HEPACAM2: variants seen among roughly 807,000 people sequenced by gnomAD.
HEPACAM2 encodes the protein HEPACAM family member 2, also known as mitotic kinetics regulator.
Under a neutral mutation model 49.6 loss-of-function variants are expected in HEPACAM2, and 49 were observed. The observed-to-expected ratio is 0.99, with a 90% CI of 0.78 to 1.25. The LOEUF is 1.25. Ranked by LOEUF, HEPACAM2 falls within the 50% of genes most tolerant of loss-of-function variation. The pLI is 0.00. For missense variants in HEPACAM2, 525 were observed against 557.2 expected (o/e 0.94, Z 0.58); for synonymous variants, 197 against 202.9 (o/e 0.97, Z 0.25).
At chr7:93,220,210 G>C (rs77903618) in intron 1 of HEPACAM2, among the ~76,000 whole-genome samples, 1,639 of 152,254 alleles carry the variant, frequency 0.011, 15 homozygotes, top group Non-Finnish European at 0.018. Flanking sequence ...AACAGAAAAG[G>C]GCTATTTTTT....
chr7:93,215,549 GAC>G lies in HEPACAM2; in HGVS notation c.565_566del (p.Val189ProfsTer38). ...AAAAGGAGTAGGTGGAGCTGGTGTG[GAC>G]AGGTCTCCCATTTTTTAGCCATTGG... Reference protein sequence around the residue: ...AYQWLKNGRPVHTSSTYSFSP... With the variant: ...AYQWLKNGRPXHTSSTYSFSP... On this transcript the variant is annotated frameshift_variant, in exon 3 of 10. Coordinates refer to ENST00000394468, the MANE Select transcript of HEPACAM2 (RefSeq NM_001039372.4). LOFTEE classifies it high-confidence loss of function. 6.2e-7 allele frequency: 1 copy of G among 1,613,808 alleles called. No individual in the cohort carries two copies.
At chr7:93,197,001 T>G (rs1793742260) in intron 7 of HEPACAM2, among the ~76,000 whole-genome samples, 1 of 119,086 alleles carries the variant, frequency 8.4e-6, no homozygotes, top group Non-Finnish European at 1.7e-5. Context: ...TTAGTTCTCT[T>G]GACTGTAAAA....
At chr7:93,214,735 T>C (rs1794259357) in intron 3 of HEPACAM2, among the ~76,000 whole-genome samples, 1 of 152,192 alleles carries the variant, frequency 6.6e-6, no homozygotes, top group South Asian at 2.1e-4. Context: ...GTGATAATAA[T>C]GAGATTGGTG....
At chr7:93,216,012 C>T (rs1167521741) in intron 2 of HEPACAM2, among the ~76,000 whole-genome samples, 5 of 152,142 alleles carry the variant, frequency 3.3e-5, no homozygotes, top group African/African-American at 4.8e-5. Flanking sequence ...CTTTCACCAA[C>T]ACCATAAAGG....
rs773049644 is a variant in HEPACAM2 at position 93,192,352 on chromosome 7, C to T, written c.1287G>A (p.Arg429=). ...DVSGVSRIPS[R]SVPASDCVSG... is the part of the protein sequence containing the mutation. ...ATACACAATCAGAGGCTGGAACAGA[C>T]CTGCTTGGGATCTAGAAAATGTGAT... Residue 429 remains arginine (R), a synonymous_variant, in exon 9 of 10, where the codon AGG becomes AGA. Transcript: ENST00000394468. 2 of 1,611,274 alleles carry T rather than the reference C, an allele frequency of 1.2e-6. No homozygotes were observed. Among genetic ancestry groups the T allele is most frequent in the South Asian group, 2.2e-5 (2 of 90,916 alleles).
rs1793459786 is a variant in HEPACAM2, at chr7:93,188,732, T to C, written c.*535A>G. The C allele has an allele frequency of 3.1e-6, 1 of 318,272 alleles. No homozygotes were observed. The highest frequency in any genetic ancestry group is 5.7e-6 in the Non-Finnish European group (1 of 176,586). The allele number at this position is 318,272 out of a possible 1,614,324, so 19.7% of individuals were successfully genotyped here. On this transcript the variant is annotated 3_prime_UTR_variant, in exon 10 of 10. Transcript: ENST00000394468. ...AAAAAAAAGAGAAGGCATAGTTTTG[T>C]TTTTGTGACAACCATCCTTATTACT... is the stretch of plus-strand genomic sequence containing the variant.
chr7:93,228,100 A>G (rs1235599324), upstream of HEPACAM2, among the ~76,000 whole-genome samples: 2 of 152,196 alleles, frequency 1.3e-5, no homozygotes, highest in Non-Finnish European at 2.9e-5. Flanking sequence ...CCGTTATCAA[A>G]TTAGCTGTTT....
chr7:93,192,004 A>T (rs1793560546), intron 9 of HEPACAM2, among the ~76,000 whole-genome samples: 1 of 152,102 alleles, frequency 6.6e-6, no homozygotes, highest in Non-Finnish European at 1.5e-5. Context: ...TAATGTACAC[A>T]AGAGAAAGTT....
upstream of HEPACAM2, chr7:93,226,518 G>A: frequency 8.8e-7 from 1 of 1,136,636 alleles, no homozygotes; most frequent in South Asian, 1.2e-5. Context: ...GAAATTAGCA[G>A]TGAGGTAACA....
chr7:93,189,713 CTG>C lies in HEPACAM2; in HGVS notation c.1386-445_1386-444del, dbSNP rs74968687. ...GACACATGAAGTAAAGAAAATAACACTGTTATTTTACAACAGTCTAAGAGCCA... is the reference window on the plus strand; with the variant it reads ...GACACATGAAGTAAAGAAAATAACACTTATTTTACAACAGTCTAAGAGCCA... On this transcript the variant is annotated intron_variant, in intron 9 of 9. Coordinates refer to ENST00000394468, the MANE Select transcript of HEPACAM2 (RefSeq NM_001039372.4). 7.4e-4 allele frequency among the ~76,000 whole-genome samples: 113 copies of C among 152,052 alleles called. No homozygotes were observed. The East Asian group carries it at 9.3e-3, about 12-fold the overall frequency.
chr7:93,212,223 G>T (rs1794193919), intron 3 of HEPACAM2, among the ~76,000 whole-genome samples: 1 of 152,052 alleles, frequency 6.6e-6, no homozygotes, highest in South Asian at 2.1e-4. Flanking sequence ...TACCTTTAAA[G>T]AAAGTAATCT....
rs766513309 is a variant in HEPACAM2 at position 93,226,409 on chromosome 7, G to A, written c.38C>T (p.Thr13Ile). Residue 13 changes from threonine (T) to isoleucine (I), a missense_variant, in exon 1 of 10, where the codon ACA becomes ATA. Coordinates refer to ENST00000394468, the MANE Select transcript of HEPACAM2 (RefSeq NM_001039372.4). ...TATTTTGCACTGAAAGACCCCAAGT[G>A]TGTCACCGAAGGGCTCCATGAAAGC... The part of the protein sequence containing the change: ...QDAFMEPFGD[T>I]LGVFQCKIYL... The A allele has an allele frequency of 1.2e-6, 2 of 1,613,364 alleles. No individual in the cohort carries two copies. Among genetic ancestry groups the A allele is most frequent in the East Asian group, 4.5e-5 (2 of 44,886 alleles).
chr7:93,196,635 T>C (rs1793727731), intron 7 of HEPACAM2, among the ~76,000 whole-genome samples: 1 of 152,068 alleles, frequency 6.6e-6, no homozygotes, highest in African/African-American at 2.4e-5. Flanking sequence ...GAAGAGGAAG[T>C]TGCGGTTAAG....
chr7:93,219,269 CA>C lies in HEPACAM2; in HGVS notation c.261del (p.Val88TrpfsTer13). The C allele has an allele frequency of 8.1e-6, 13 of 1,614,016 alleles. No homozygotes were observed. The highest frequency in any genetic ancestry group is 1.1e-5 in the Non-Finnish European group (13 of 1,179,952). ...PKYLLGSVNK[S>X]VVPDLEYQHK... ...TGTTGGTATTCCAAGTCAGGAACCACAGACTTATTCACAGAGCCCAGTAAGT... is the reference window on the plus strand; with the variant it reads ...TGTTGGTATTCCAAGTCAGGAACCACGACTTATTCACAGAGCCCAGTAAGT... On this transcript the variant is annotated frameshift_variant, in exon 2 of 10. Transcript: ENST00000394468. LOFTEE classifies it high-confidence loss of function.
upstream of HEPACAM2, among the ~76,000 whole-genome samples, chr7:93,229,876 G>A (rs1409798759): frequency 6.6e-6 from 1 of 152,204 alleles, no homozygotes; most frequent in Non-Finnish European, 1.5e-5. Context: ...AGCGTAGACA[G>A]ATAGAAATGA....
chr7:93,219,246 T>A lies in HEPACAM2; in HGVS notation c.285A>T (p.Gln95His). 1 of 1,614,000 alleles carries A rather than the reference T, an allele frequency of 6.2e-7. No individual in the cohort carries two copies. Among genetic ancestry groups the A allele is most frequent in the South Asian group, 1.1e-5 (1 of 91,078 alleles). Residue 95 changes from glutamine to histidine, a missense_variant, in exon 2 of 10, where the codon CAA (glutamine) becomes CAT (histidine). Gln to His is a conservative substitution (Grantham distance 24). Coordinates refer to ENST00000394468, the MANE Select transcript of HEPACAM2 (RefSeq NM_001039372.4). ...NKSVVPDLEY[Q>H]HKFTMMPPNA... ...TGGGTGGCATCATGGTGAACTTGTG[T>A]TGGTATTCCAAGTCAGGAACCACAG... is the stretch of plus-strand genomic sequence containing the variant.
Position 93,218,523 on chromosome 7 carries a change from CAAAT to C in HEPACAM2, c.430+574_430+577del, listed in dbSNP as rs527239118. ...TATTTATTAAAATGGGGAATACTGT[CAAAT>C]AAACAGGTGTAGAGATCAAAAATCA... On this transcript the variant is annotated intron_variant, in intron 2 of 9. Coordinates refer to ENST00000394468, the MANE Select transcript of HEPACAM2 (RefSeq NM_001039372.4). Among the ~76,000 whole-genome samples the C allele has an allele frequency of 7.6e-3, 1,154 of 152,160 alleles. 1 individual carries two copies. The highest frequency in any genetic ancestry group is 0.012 in the Non-Finnish European group (794 of 68,006).
rs1417870695 is a variant in HEPACAM2, at chr7:93,208,745, T to C, written c.847A>G (p.Ile283Val). The C allele has an allele frequency of 3.7e-6, 6 of 1,613,076 alleles. No individual in the cohort carries two copies. The highest frequency in any genetic ancestry group is 4.2e-6 in the Non-Finnish European group (5 of 1,179,462). Reference protein sequence around the residue: ...DSHPPNTYSWIRRTDNTTYII... With the variant: ...DSHPPNTYSWVRRTDNTTYII... ...TATGTAGTATTGTCAGTCCTCCTAA[T>C]CCAGGAGTAGGTGTTGGGGGGATGA... Residue 283 changes from isoleucine (I) to valine (V), a missense_variant, in exon 4 of 10, where the codon ATT (isoleucine) becomes GTT (valine). Coordinates refer to ENST00000394468, the MANE Select transcript of HEPACAM2 (RefSeq NM_001039372.4).
In HEPACAM2 at chr7:93,188,686, C is replaced by A. The variant is rs891773565; in HGVS notation, c.*581G>T. The A allele has an allele frequency of 4.5e-6, 1 of 222,172 alleles. No homozygotes were observed. The highest frequency in any genetic ancestry group is 8.7e-6 in the Non-Finnish European group (1 of 115,088). 13.8% of individuals were successfully genotyped at this position (222,172 alleles called of 1,614,324 possible). On this transcript the variant is annotated 3_prime_UTR_variant, in exon 10 of 10. Coordinates refer to ENST00000394468, the MANE Select transcript of HEPACAM2 (RefSeq NM_001039372.4). ...TTCCTTAAGTGTTCACAAGTCTTCT[C>A]AAAAATACTACTGGTGATTGAAAAA...
Sources: gnomAD v4.1 joint callset for allele counts (sites outside exome capture counted in the v4.1 genomes callset) on GRCh38, gnomAD v4.1.1 for gene constraint, MANE v1.5 for transcripts, NCBI Gene and HGNC (gene_info 2026-07-23, HGNC 2026-07-21) for gene names.